Variants in LRRC4C observed in about 807,000 individuals in gnomAD.
LRRC4C encodes the protein leucine-rich repeat-containing protein 4C.
In LRRC4C, 5 loss-of-function variants were observed where a neutral mutation model predicts 33.6. The observed-to-expected ratio is 0.15, with a 90% confidence interval of 0.08 to 0.31. The LOEUF is 0.31. Among genes scored for constraint, LRRC4C ranks in the 10% least tolerant of loss-of-function variants. LRRC4C has a pLI of 1.00. For synonymous variants in LRRC4C, 329 were observed against 302.0 expected (o/e 1.09, Z -0.93); for missense variants, 560 against 796.7 (o/e 0.70, Z 3.58).
At chr11:41,396,585 C>G (rs1384625866) in intron 1 of LRRC4C, among the ~76,000 whole-genome samples, 2 of 151,926 alleles carry the variant, frequency 1.3e-5, no homozygotes, top group African/African-American at 2.4e-5. Context: ...AGTGAATGCT[C>G]AACTTTATGA....
At chr11:40,235,877 T>C (rs1865517164) in intron 5 of LRRC4C, among the ~76,000 whole-genome samples, 1 of 152,156 alleles carries the variant, frequency 6.6e-6, no homozygotes, top group Non-Finnish European at 1.5e-5. Context: ...GGCCTTATTA[T>C]TATTATTATT....
At chr11:40,485,560 A>G (rs908117167) in intron 3 of LRRC4C, among the ~76,000 whole-genome samples, 1 of 152,036 alleles carries the variant, frequency 6.6e-6, no homozygotes, top group South Asian at 2.1e-4. Flanking sequence ...AAAAATGGCT[A>G]GTTACAGGGT....
intron 1 of LRRC4C, among the ~76,000 whole-genome samples, chr11:41,387,550 A>G (rs2137958669): frequency 6.6e-6 from 1 of 151,908 alleles, no homozygotes; most frequent in South Asian, 2.1e-4. Context: ...AAAAAAATAC[A>G]GAGTATTTTT....
intron 1 of LRRC4C, among the ~76,000 whole-genome samples, chr11:41,404,352 A>G (rs2138139778): frequency 6.6e-6 from 1 of 152,108 alleles, no homozygotes; most frequent in South Asian, 2.1e-4. Flanking sequence ...TGGTTAACGA[A>G]ACCATGTAGC....
intron 1 of LRRC4C, chr11:41,423,772 A>G (rs1954947503): frequency 6.6e-6 from 1 of 152,062 alleles, no homozygotes; most frequent in African/African-American, 2.4e-5. Context: ...CTTTATGGAA[A>G]TAATATTTTC....
chr11:40,440,880 T>TA (rs1951363475), intron 3 of LRRC4C, among the ~76,000 whole-genome samples: 2 of 148,670 alleles, frequency 1.3e-5, no homozygotes, highest in South Asian at 4.3e-4. Context: ...TTTTTTTTTT[T>TA]ATTAGTGCAG....
At chr11:41,217,630 T>C (rs1001489630) in intron 1 of LRRC4C, among the ~76,000 whole-genome samples, 3 of 152,196 alleles carry the variant, frequency 2.0e-5, no homozygotes, top group African/African-American at 7.2e-5. Flanking sequence ...AGAATCTTAA[T>C]ATTGGCTATA....
chr11:40,892,548 A>G (rs1056472718), intron 2 of LRRC4C, among the ~76,000 whole-genome samples: 11 of 152,328 alleles, frequency 7.2e-5, no homozygotes, highest in African/African-American at 2.6e-4. Flanking sequence ...CAAAATGTCC[A>G]TCAACAGATG....
intron 2 of LRRC4C, among the ~76,000 whole-genome samples, chr11:40,821,126 A>C (rs1951911048): frequency 6.6e-6 from 1 of 151,716 alleles, no homozygotes. Context: ...TGAAACCTCT[A>C]AAACACTGCC....
intron 1 of LRRC4C, among the ~76,000 whole-genome samples, chr11:40,984,893 CTTTTTTTTTTTTTT>C (rs562785410): frequency 9.6e-5 from 5 of 52,246 alleles, no homozygotes; most frequent in African/African-American, 3.2e-4. Context: ...CTCACTGACA[CTTTTTTTTTTTTTT>C]TTTTTTTTTT....
Position 40,371,522 on chromosome 11 carries a change from C to T in LRRC4C, c.-269-51801G>A, listed in dbSNP as rs185846452. 4.6e-3 allele frequency among the ~76,000 whole-genome samples: 698 copies of T among 152,244 alleles called. 5 individuals carry two copies. The highest frequency in any genetic ancestry group is 0.016 in the African/African-American group (669 of 41,536). The stretch of plus-strand genomic sequence containing the variant: ...AATCAGAGTGTAAATGGTTATAGAC[C>T]ATGGTGGACTCTTTTATTTTTATAA... On this transcript the variant is annotated intron_variant, in intron 3 of 6. Coordinates refer to ENST00000528697, the MANE Select transcript of LRRC4C (RefSeq NM_001258419.2).
chr11:40,376,310 T>G (rs1334397941), intron 3 of LRRC4C, among the ~76,000 whole-genome samples: 2 of 152,134 alleles, frequency 1.3e-5, no homozygotes, highest in African/African-American at 4.8e-5. Context: ...TTCTAAAGTT[T>G]TACAGGTCAA....
intron 4 of LRRC4C, among the ~76,000 whole-genome samples, chr11:40,312,867 A>T (rs1343742143): frequency 6.6e-6 from 1 of 151,156 alleles, no homozygotes; most frequent in South Asian, 2.1e-4. Context: ...CAGCAGTTAC[A>T]TGAAGGCTCA....
At chr11:40,741,387 C>T (rs373742648) in intron 2 of LRRC4C, among the ~76,000 whole-genome samples, 15 of 152,034 alleles carry the variant, frequency 9.9e-5, no homozygotes, top group African/African-American at 2.7e-4. Context: ...TTGAAGTCTT[C>T]AATTCCACAG....
At position 40,671,006 on chromosome 11, in the gene LRRC4C, G is replaced by A. The variant is rs1193643295; in HGVS notation, c.-406-22728C>T. On this transcript the variant is annotated intron_variant, in intron 2 of 6. Transcript: ENST00000528697. Reference sequence around the variant, plus strand: ...TCTCAATCTCCTGACCTCGTGATCCGCCCGCCTTGGCCTCCCAAGGTGCTG... The same window carrying A: ...TCTCAATCTCCTGACCTCGTGATCCACCCGCCTTGGCCTCCCAAGGTGCTG... Among the ~76,000 whole-genome samples the A allele has an allele frequency of 3.9e-5, 6 of 152,208 alleles. No homozygotes were observed. In the East Asian group the frequency reaches 7.7e-4, roughly 20 times the overall value.
intron 4 of LRRC4C, chr11:40,292,787 T>A (rs1219030341): frequency 6.6e-6 from 1 of 152,110 alleles, no homozygotes; most frequent in African/African-American, 2.4e-5. Flanking sequence ...TGTGTTAAGA[T>A]CCAGGGCTCA....
chr11:41,200,647 C>T lies in LRRC4C; in HGVS notation c.-496+258784G>A, dbSNP rs76556665. ...TATTTCTAGAATAGAGTACCCACCA[C>T]TCCCTGAGCTTAAAACCACTGTGTT... On this transcript the variant is annotated intron_variant, in intron 1 of 6. Coordinates refer to ENST00000528697, the MANE Select transcript of LRRC4C (RefSeq NM_001258419.2). Among the ~76,000 whole-genome samples the T allele has an allele frequency of 2.5e-3, 380 of 152,226 alleles. 3 individuals carry two copies. The highest frequency in any genetic ancestry group is 8.8e-3 in the African/African-American group (367 of 41,552).
At chr11:40,708,232 A>T (rs1357877987) in intron 2 of LRRC4C, among the ~76,000 whole-genome samples, 1 of 151,780 alleles carries the variant, frequency 6.6e-6, no homozygotes, top group Admixed American at 6.6e-5. Context: ...CTCTAATCTT[A>T]GTTATTTCTT....
intron 1 of LRRC4C, among the ~76,000 whole-genome samples, chr11:41,410,942 C>G (rs182849104): frequency 5.9e-5 from 9 of 151,586 alleles, no homozygotes; most frequent in Non-Finnish European, 1.0e-4. Context: ...CCATCTAAAT[C>G]AATTGATAAA....
Sources: gnomAD v4.1 joint callset for allele counts (sites outside exome capture counted in the v4.1 genomes callset) on GRCh38, gnomAD v4.1.1 for gene constraint, MANE v1.5 for transcripts, NCBI Gene and HGNC (gene_info 2026-07-23, HGNC 2026-07-21) for gene names.